Variants in BCAR3 observed in about 807,000 individuals in gnomAD.
The protein encoded by BCAR3 is breast cancer anti-estrogen resistance protein 3.
In BCAR3, 37 loss-of-function variants were observed where a neutral mutation model predicts 80.1. The observed-to-expected ratio is 0.46, with a 90% CI of 0.36 to 0.61. BCAR3 has a LOEUF of 0.61. Among genes scored for constraint, BCAR3 ranks in the 20% least tolerant of loss-of-function variants. The pLI, the probability that BCAR3 is intolerant of heterozygous loss-of-function variation, is 0.00. For synonymous variants in BCAR3, 389 were observed against 418.9 expected, an observed-to-expected ratio of 0.93 and a Z score of 0.87; for missense variants, 978 against 1,068.2, an observed-to-expected ratio of 0.92 and a Z score of 1.18.
chr1:93,785,340 G>T (rs932866708), intron 2 of BCAR3, among the ~76,000 whole-genome samples: 15 of 152,156 alleles, frequency 9.9e-5, no homozygotes, highest in African/African-American at 3.6e-4. Flanking sequence ...GTGGTAACAG[G>T]GAGTGGTGGG....
intron 9 of BCAR3, 55 bp downstream of exon 9, chr1:93,571,615 G>A: frequency 6.3e-7 from 1 of 1,594,386 alleles, no homozygotes; most frequent in Non-Finnish European, 8.6e-7. Flanking sequence ...GCCAAACATG[G>A]CATGCAGATC....
At chr1:93,790,556 C>A (rs1653107389) in intron 2 of BCAR3, among the ~76,000 whole-genome samples, 1 of 150,042 alleles carries the variant, frequency 6.7e-6, no homozygotes, top group South Asian at 2.1e-4. Context: ...CACTAAATGG[C>A]AGTATAATTT....
chr1:93,584,513 T>C (rs1570933414), intron 5 of BCAR3, among the ~76,000 whole-genome samples: 2 of 152,354 alleles, frequency 1.3e-5, no homozygotes, highest in South Asian at 2.1e-4. Context: ...ATGGCTTGCC[T>C]AACTAACATG....
intron 3 of BCAR3, 143 bp downstream of exon 3, chr1:93,642,161 G>C (rs1676000089): frequency 5.4e-6 from 5 of 931,456 alleles, no homozygotes. Flanking sequence ...GCCTAAGGGA[G>C]TCAAATTTCC....
chr1:93,595,154 C>T (rs1436906245), intron 3 of BCAR3, among the ~76,000 whole-genome samples: 1 of 152,050 alleles, frequency 6.6e-6, no homozygotes, highest in African/African-American at 2.4e-5. Context: ...AGGAAAGTAC[C>T]TAGAGAGAGA....
intron 8 of BCAR3, among the ~76,000 whole-genome samples, chr1:93,572,816 G>A (rs527301780): frequency 4.6e-5 from 7 of 152,348 alleles, no homozygotes; most frequent in African/African-American, 1.4e-4. Flanking sequence ...CGGAGCTTAC[G>A]ATGTTACTCC....
At chr1:93,663,642 T>C (rs1647762669) in intron 2 of BCAR3, among the ~76,000 whole-genome samples, 1 of 152,204 alleles carries the variant, frequency 6.6e-6, no homozygotes, top group Non-Finnish European at 1.5e-5. Flanking sequence ...CAAATGGGCA[T>C]CCTTCCTCTG....
At chr1:93,755,687 T>C (rs931728838) in intron 2 of BCAR3, among the ~76,000 whole-genome samples, 1 of 152,142 alleles carries the variant, frequency 6.6e-6, no homozygotes, top group Admixed American at 6.5e-5. Flanking sequence ...TAATAATGCA[T>C]TTTTCCAAAT....
intron 2 of BCAR3, among the ~76,000 whole-genome samples, chr1:93,731,703 C>T (rs529848151): frequency 1.2e-4 from 18 of 151,034 alleles, no homozygotes; most frequent in Non-Finnish European, 2.4e-4. Flanking sequence ...ATTTCAAGTG[C>T]CACCTGAATC....
intron 3 of BCAR3, among the ~76,000 whole-genome samples, chr1:93,689,470 G>C (rs1649092687): frequency 6.6e-6 from 1 of 151,386 alleles, no homozygotes; most frequent in African/African-American, 2.4e-5. Flanking sequence ...GACGGAGGTA[G>C]CAGTGAGCCG....
chr1:93,577,273 C>CG (rs5776184), intron 7 of BCAR3, among the ~76,000 whole-genome samples: 64,771 of 152,090 alleles, frequency 0.43, 16,222 homozygotes, highest in Non-Finnish European at 0.55. Context: ...AGGCATGGGA[C>CG]GGTTCCTCTC....
rs112528743 is a variant in BCAR3 at position 93,583,274 on chromosome 1, G to A, written c.1034-321C>T. ...TCAGAATGATAAAATATATGAGCGA[G>A]GAGGGCATGAATAATGTAATCTTGC... On this transcript the variant is annotated intron_variant, in intron 6 of 11. Transcript: ENST00000260502. 8.9e-4 allele frequency among the ~76,000 whole-genome samples: 136 copies of A among 152,258 alleles called. 1 individual carries two copies. Among genetic ancestry groups the A allele is most frequent in the African/African-American group, 3.1e-3 (130 of 41,546 alleles).
chr1:93,741,725 C>T (rs1360095271), intron 2 of BCAR3, among the ~76,000 whole-genome samples: 1 of 152,120 alleles, frequency 6.6e-6, no homozygotes, highest in Non-Finnish European at 1.5e-5. Flanking sequence ...TGCACCACCA[C>T]ACCCAGCTAA....
intron 2 of BCAR3, among the ~76,000 whole-genome samples, chr1:93,843,516 G>C (rs527436947): frequency 6.6e-6 from 1 of 152,238 alleles, no homozygotes; most frequent in East Asian, 1.9e-4. Flanking sequence ...GCAAATAAAG[G>C]CTGAACCAAG....
chr1:93,606,254 C>A (rs1175895455), intron 3 of BCAR3, among the ~76,000 whole-genome samples: 3 of 152,126 alleles, frequency 2.0e-5, no homozygotes, highest in Non-Finnish European at 4.4e-5. Context: ...TGCAGAGAAA[C>A]AGAGAACCAG....
At chr1:93,658,483 C>CAA (rs1284302603) in intron 2 of BCAR3, among the ~76,000 whole-genome samples, 6 of 139,732 alleles carry the variant, frequency 4.3e-5, no homozygotes, top group Non-Finnish European at 9.4e-5. Flanking sequence ...CCCGTCTCTA[C>CAA]AAAAAAAAAA....
intron 3 of BCAR3, among the ~76,000 whole-genome samples, chr1:93,687,278 C>T (rs1649007795): frequency 6.6e-6 from 1 of 152,126 alleles, no homozygotes; most frequent in African/African-American, 2.4e-5. Flanking sequence ...AACCAGGCTT[C>T]ATCTAAACAT....
intron 6 of BCAR3, among the ~76,000 whole-genome samples, chr1:93,583,310 A>C (rs1673797006): frequency 6.6e-6 from 1 of 152,184 alleles, no homozygotes; most frequent in African/African-American, 2.4e-5. Flanking sequence ...CCTAAGAAAC[A>C]GAAGTCGTTA....
chr1:93,674,834 G>A lies in BCAR3; in HGVS notation c.97C>T (p.Pro33Ser). ...SSMDLLSSRS[P>S]LAEHRPDAYQ... ...GCATCTGGGCGATGCTCAGCGAGAG[G>A]GGACCTGCTGCTCAGAAGGTCCATG... Residue 33 changes from proline to serine, a missense_variant, in exon 2 of 12, where the codon CCT (proline) becomes TCT (serine). Coordinates refer to ENST00000260502, the MANE Select transcript of BCAR3 (RefSeq NM_003567.4). 3 of 1,604,042 alleles carry A rather than the reference G, an allele frequency of 1.9e-6. No homozygotes were observed. Among genetic ancestry groups the A allele is most frequent in the Non-Finnish European group, 2.6e-6 (3 of 1,176,126 alleles).
Sources: gnomAD v4.1 joint callset for allele counts (sites outside exome capture counted in the v4.1 genomes callset) on GRCh38, gnomAD v4.1.1 for gene constraint, MANE v1.5 for transcripts, NCBI Gene and HGNC (gene_info 2026-07-23, HGNC 2026-07-21) for gene names.